The following GLIS3 variants were observed in gnomAD, a reference collection of about 807,000 sequenced individuals.
The protein encoded by GLIS3 is zinc finger protein GLIS3.
A neutral mutation model predicts 78.6 loss-of-function variants in GLIS3; 53 were observed. That is an observed-to-expected ratio of 0.67 (90% CI 0.54 to 0.85). GLIS3 has a LOEUF of 0.85. Among genes scored for constraint, GLIS3 ranks in the 40% least tolerant of loss-of-function variants. The pLI is 0.00. For missense variants in GLIS3, 1,703 were observed against 1,231.1 expected (o/e 1.38, Z -5.74); for synonymous variants, 684 against 509.9 (o/e 1.34, Z -4.60).
the GLIS3 span, among the ~76,000 whole-genome samples, chr9:4,462,267 G>T: frequency 6.6e-6 from 1 of 152,138 alleles, no homozygotes; most frequent in Non-Finnish European, 1.5e-5. Flanking sequence ...AATAAGACAA[G>T]CCCAGAAATT....
At chr9:4,364,517 T>C in the GLIS3 span, among the ~76,000 whole-genome samples, 1 of 152,064 alleles carries the variant, frequency 6.6e-6, no homozygotes, top group Admixed American at 6.5e-5. Flanking sequence ...TCACAATATG[T>C]AAGTAGTGAA....
chr9:4,358,047 C>A, the GLIS3 span, among the ~76,000 whole-genome samples: 1 of 151,778 alleles, frequency 6.6e-6, no homozygotes, highest in Admixed American at 6.6e-5. Context: ...GAACAGATGC[C>A]CAAGATGAGA....
the GLIS3 span, among the ~76,000 whole-genome samples, chr9:4,446,066 C>T: frequency 6.6e-6 from 1 of 152,102 alleles, no homozygotes; most frequent in African/African-American, 2.4e-5. Context: ...TGGTGTGTTG[C>T]CAAACAAAAT....
the GLIS3 span, among the ~76,000 whole-genome samples, chr9:4,483,865 C>T: frequency 6.6e-5 from 10 of 152,114 alleles, no homozygotes; most frequent in Non-Finnish European, 1.3e-4. Context: ...GTTTCCTCAG[C>T]TGTAAGATAA....
At chr9:4,022,892 G>A (rs774226750) in intron 4 of GLIS3, among the ~76,000 whole-genome samples, 1 of 152,158 alleles carries the variant, frequency 6.6e-6, no homozygotes, top group Non-Finnish European at 1.5e-5. Flanking sequence ...ACCCAGATCA[G>A]CGGCTGTCTG....
chr9:4,431,431 T>C, the GLIS3 span, among the ~76,000 whole-genome samples: 1 of 152,002 alleles, frequency 6.6e-6, no homozygotes, highest in Non-Finnish European at 1.5e-5. Context: ...TCAGTGTAGA[T>C]TGACTGGATT....
chr9:4,320,673 C>T (rs1817510527), intron 2 of GLIS3, among the ~76,000 whole-genome samples: 1 of 152,090 alleles, frequency 6.6e-6, no homozygotes, highest in Admixed American at 6.6e-5. Context: ...CCTCCATCAT[C>T]ACCACCGCCA....
At chr9:3,993,110 T>A (rs945806744) in intron 4 of GLIS3, among the ~76,000 whole-genome samples, 1 of 152,186 alleles carries the variant, frequency 6.6e-6, no homozygotes, top group Non-Finnish European at 1.5e-5. Flanking sequence ...TTTCCTGTGT[T>A]CTCACTCCAG....
chr9:4,086,631 G>A (rs1194816198), intron 4 of GLIS3, among the ~76,000 whole-genome samples: 1 of 152,222 alleles, frequency 6.6e-6, no homozygotes, highest in Non-Finnish European at 1.5e-5. Flanking sequence ...TGTGTTAAGA[G>A]ACGGACTTTC....
chr9:3,892,559 T>C (rs1310643988), intron 7 of GLIS3, among the ~76,000 whole-genome samples: 3 of 152,206 alleles, frequency 2.0e-5, no homozygotes, highest in Admixed American at 6.5e-5. Flanking sequence ...CAAGTTATAA[T>C]TCATTAATGT....
intron 2 of GLIS3, among the ~76,000 whole-genome samples, chr9:4,179,219 T>C (rs1179467957): frequency 6.6e-6 from 1 of 152,196 alleles, no homozygotes; most frequent in Non-Finnish European, 1.5e-5. Flanking sequence ...AGAAACTTAT[T>C]AGCAATTTGA....
chr9:4,358,040 C>G, the GLIS3 span, among the ~76,000 whole-genome samples: 2 of 152,150 alleles, frequency 1.3e-5, no homozygotes, highest in African/African-American at 4.8e-5. Flanking sequence ...CTAATAAGAA[C>G]AGATGCCCAA....
chr9:4,024,183 T>C (rs572354630), intron 4 of GLIS3, among the ~76,000 whole-genome samples: 1 of 152,286 alleles, frequency 6.6e-6, no homozygotes, highest in Non-Finnish European at 1.5e-5. Context: ...GTCAAATCCA[T>C]GCAACCCCCC....
At chr9:4,344,753 T>A (rs1473390139) in intron 2 of GLIS3, among the ~76,000 whole-genome samples, 1 of 152,176 alleles carries the variant, frequency 6.6e-6, no homozygotes, top group African/African-American at 2.4e-5. Flanking sequence ...CCTCCTAAAA[T>A]AGGTCCCTTA....
chr9:3,842,566 C>T (rs953515103), intron 9 of GLIS3, among the ~76,000 whole-genome samples: 4 of 152,176 alleles, frequency 2.6e-5, no homozygotes, highest in African/African-American at 9.7e-5. Context: ...TTATCTCCGA[C>T]TGGGGAGCCA....
At chr9:4,407,711 A>G in the GLIS3 span, among the ~76,000 whole-genome samples, 1 of 152,224 alleles carries the variant, frequency 6.6e-6, no homozygotes, top group Non-Finnish European at 1.5e-5. Flanking sequence ...GGTCTGGGCA[A>G]GAATTTATCG....
chr9:4,339,114 G>A (rs576457275), intron 2 of GLIS3, among the ~76,000 whole-genome samples: 1 of 152,148 alleles, frequency 6.6e-6, no homozygotes, highest in Non-Finnish European at 1.5e-5. Flanking sequence ...TGTTTGGGAG[G>A]ATAAACTCAA....
At chr9:4,172,433 G>T (rs1277666060) in intron 2 of GLIS3, among the ~76,000 whole-genome samples, 1 of 152,088 alleles carries the variant, frequency 6.6e-6, no homozygotes, top group African/African-American at 2.4e-5. Context: ...ACATTAATTG[G>T]GAATCTGGAG....
the GLIS3 span, among the ~76,000 whole-genome samples, chr9:4,473,744 C>G: frequency 6.6e-6 from 1 of 151,820 alleles, no homozygotes; most frequent in Non-Finnish European, 1.5e-5. Flanking sequence ...ATGAGTTTAC[C>G]TACATAACCA....
Sources: allele counts gnomAD v4.1 joint callset (sites outside exome capture counted in the v4.1 genomes callset), GRCh38; gene constraint gnomAD v4.1.1; transcripts MANE v1.5; gene names NCBI Gene and HGNC (gene_info 2026-07-23, HGNC 2026-07-21).